Variants in FCGRT observed in about 807,000 individuals in gnomAD.
FCGRT encodes the protein IgG receptor FcRn large subunit p51.
A neutral mutation model predicts 35.7 loss-of-function variants in FCGRT; 13 were observed. The ratio of observed to expected loss-of-function variants is 0.36; its 90% CI spans 0.24 to 0.58. The LOEUF is 0.58. Among genes scored for constraint, FCGRT ranks in the 20% least tolerant of loss-of-function variants. FCGRT has a pLI of 0.77. For missense variants in FCGRT, 455 were observed against 474.9 expected (o/e 0.96, Z 0.39); for synonymous variants, 233 against 216.5 (o/e 1.08, Z -0.67).
In FCGRT at chr19:49,526,423, G is replaced by A. The variant is rs1342898458; in HGVS notation, c.*304G>A. The A allele has an allele frequency of 2.5e-6, 1 of 396,846 alleles. No individual in the cohort carries two copies. Among genetic ancestry groups the A allele is most frequent in the African/African-American group, 2.1e-5 (1 of 47,694 alleles). 24.6% of individuals were successfully genotyped at this position (396,846 alleles called of 1,614,324 possible). ...GGCTGGGCCTCGGATCTCTCCTACAGGTAACATGCTGCCACAGGGGAACCT... is the reference window on the plus strand; with the variant it reads ...GGCTGGGCCTCGGATCTCTCCTACAAGTAACATGCTGCCACAGGGGAACCT... On this transcript the variant is annotated 3_prime_UTR_variant, in exon 7 of 7. Coordinates refer to ENST00000221466, the MANE Select transcript of FCGRT (RefSeq NM_001136019.3).
chr19:49,522,581 GC>G (rs1424342422), intron 4 of FCGRT, among the ~76,000 whole-genome samples: 1 of 151,156 alleles, frequency 6.6e-6, no homozygotes, highest in Non-Finnish European at 1.5e-5. Context: ...ACAGGTACAC[GC>G]CACCATGCCT....
intron 4 of FCGRT, among the ~76,000 whole-genome samples, chr19:49,518,372 T>C (rs1244381412): frequency 2.0e-5 from 3 of 150,766 alleles, no homozygotes; most frequent in Non-Finnish European, 4.4e-5. Flanking sequence ...TTTTTTTTTT[T>C]TTTTTCCTTT....
chr19:49,525,701 C>G (rs2080071397), intron 6 of FCGRT, 128 bp downstream of exon 6: 2 of 702,716 alleles, frequency 2.8e-6, no homozygotes, highest in East Asian at 5.4e-5. Context: ...AGACAGAAAC[C>G]CAGAGATGGG....
chr19:49,526,018 A>C lies in FCGRT; in HGVS notation c.997A>C (p.Ile333Leu). ...TCTCTCTCTCTCCTCAGCCCCTTGG[A>C]TCTCCCTTCGTGGAGACGACACCGG... ...RMRSGLPAPWISLRGDDTGVL... is the reference protein window; with the variant it reads ...RMRSGLPAPWLSLRGDDTGVL... The change falls in exon 7 of 7, where the codon ATC (isoleucine) becomes CTC (leucine). Residue 333 changes from isoleucine to leucine, a missense_variant. By Grantham distance (5) the Ile-to-Leu change is conservative. This residue lies in a region of FCGRT where 312 missense variants were observed against 296.1 expected (regional missense o/e 1.05). Transcript: ENST00000221466. The C allele has an allele frequency of 6.2e-7, 1 of 1,607,484 alleles. No individual in the cohort carries two copies. The highest frequency in any genetic ancestry group is 8.5e-7 in the Non-Finnish European group (1 of 1,174,318).
At chr19:49,524,825 T>C (rs2080064164) in intron 5 of FCGRT, 49 bp downstream of exon 5, 5 of 1,549,552 alleles carry the variant, frequency 3.2e-6, no homozygotes, top group Middle Eastern at 1.7e-4. Context: ...TTGCCTTGTC[T>C]CACTGCTGCG....
chr19:49,520,930 A>G (rs1197006067), intron 4 of FCGRT: 1 of 152,236 alleles, frequency 6.6e-6, no homozygotes, highest in Non-Finnish European at 1.5e-5. Context: ...GAAGCAGCAA[A>G]TGTGTTTTCT....
At position 49,526,124 on chromosome 19, in the gene FCGRT, C is replaced by G. The variant is rs776411183; in HGVS notation, c.*5C>G. 5.7e-6 allele frequency: 9 copies of G among 1,583,932 alleles called. No homozygotes were observed. In the East Asian group the frequency reaches 2.0e-4, roughly 35 times the overall value. On this transcript the variant is annotated 3_prime_UTR_variant, in exon 7 of 7. Transcript: ENST00000221466. ...GTGATTCCAGCCACCGCCTGACCATCCGCCATTCCGACTGCTAAAAGCGAA... is the reference window on the plus strand; with the variant it reads ...GTGATTCCAGCCACCGCCTGACCATGCGCCATTCCGACTGCTAAAAGCGAA...
At chr19:49,519,370 G>A (rs567153694) in intron 4 of FCGRT, among the ~76,000 whole-genome samples, 1 of 151,862 alleles carries the variant, frequency 6.6e-6, no homozygotes, top group East Asian at 1.9e-4. Flanking sequence ...TATTTTAAGA[G>A]TTTTAAAGTT....
At chr19:49,515,059 A>G (rs2080000012) in intron 4 of FCGRT, 1 of 149,294 alleles carries the variant, frequency 6.7e-6, no homozygotes, top group Admixed American at 6.7e-5. Flanking sequence ...TGGTGGCACC[A>G]TCTCGGCTCA....
rs1271964936 is a variant in FCGRT, at chr19:49,524,691, A to G, written c.786A>G (p.Ser262=). 1 of 1,603,652 alleles carries G rather than the reference A, an allele frequency of 6.2e-7. No homozygotes were observed. The highest frequency in any genetic ancestry group is 8.5e-7 in the Non-Finnish European group (1 of 1,179,960). ...NSDGSFHASS[S]LTVKSGDEHH... ...ACGGATCCTTCCACGCCTCGTCGTC[A>G]CTAACAGTCAAAAGTGGCGATGAGC... Residue 262 remains serine, a synonymous_variant, in exon 5 of 7, where the codon TCA becomes TCG. Transcript: ENST00000221466.
rs1363007082 is a variant in FCGRT, at chr19:49,512,679, T to A, written c.-86T>A. 3 of 155,260 alleles carry A rather than the reference T, an allele frequency of 1.9e-5. No homozygotes were observed. Among genetic ancestry groups the A allele is most frequent in the Non-Finnish European group, 4.3e-5 (3 of 69,878 alleles). The allele number at this position is 155,260 out of a possible 1,614,324, so 9.6% of individuals were successfully genotyped here. On this transcript the variant is annotated 5_prime_UTR_variant, in exon 1 of 7. Coordinates refer to ENST00000221466, the MANE Select transcript of FCGRT (RefSeq NM_001136019.3). ...CTCCCACAGGATGTGAGAGAGGAAC[T>A]GGGGTCTCCAGTCACGGGAGCCAGG...
At chr19:49,514,168 T>A (rs1248385220) in intron 3 of FCGRT, 35 bp downstream of exon 3, 1 of 1,610,952 alleles carries the variant, frequency 6.2e-7, no homozygotes, top group African/African-American at 1.3e-5. Flanking sequence ...AGGGGCCGGG[T>A]CCATGCTCCG....
At chr19:49,523,514 G>C (rs1024269026) in intron 4 of FCGRT, among the ~76,000 whole-genome samples, 1 of 152,128 alleles carries the variant, frequency 6.6e-6, no homozygotes, top group Non-Finnish European at 1.5e-5. Flanking sequence ...GTTGCAGTGA[G>C]TCGAGATCGT....
At chr19:49,518,046 G>A (rs1386845065) in intron 4 of FCGRT, among the ~76,000 whole-genome samples, 3 of 152,124 alleles carry the variant, frequency 2.0e-5, no homozygotes, top group East Asian at 1.9e-4. Flanking sequence ...GGCTGGTCTC[G>A]AACCCTCCAC....
At chr19:49,514,559 C>G in intron 4 of FCGRT, 73 bp downstream of exon 4, 1 of 1,398,938 alleles carries the variant, frequency 7.1e-7, no homozygotes, top group Non-Finnish European at 9.5e-7. Flanking sequence ...GTTCCCCTGC[C>G]AGGACCCTCC....
In FCGRT at chr19:49,526,020, C is replaced by T; in HGVS notation, c.999C>T (p.Ile333=). Residue 333 remains isoleucine (I), a synonymous_variant, in exon 7 of 7, where the codon ATC becomes ATT. Transcript: ENST00000221466. Reference sequence around the variant, plus strand: ...TCTCTCTCTCCTCAGCCCCTTGGATCTCCCTTCGTGGAGACGACACCGGGG... The same window carrying T: ...TCTCTCTCTCCTCAGCCCCTTGGATTTCCCTTCGTGGAGACGACACCGGGG... The part of the protein sequence containing the change: ...RMRSGLPAPW[I]SLRGDDTGVL... 6.2e-7 allele frequency: 1 copy of T among 1,608,734 alleles called. No individual in the cohort carries two copies. Among genetic ancestry groups the T allele is most frequent in the Non-Finnish European group, 8.5e-7 (1 of 1,175,404 alleles).
intron 6 of FCGRT, 93 bp from the exon 7 acceptor site, chr19:49,525,917 A>T (rs924025845): frequency 1.2e-6 from 1 of 813,222 alleles, no homozygotes; most frequent in South Asian, 1.3e-5. Context: ...ACTGAGGAAG[A>T]GTGTGTGAGA....
At chr19:49,525,752 CA>C (rs1348790043) in intron 6 of FCGRT, among the ~76,000 whole-genome samples, 179 bp downstream of exon 6, 1 of 150,208 alleles carries the variant, frequency 6.7e-6, no homozygotes, top group East Asian at 2.0e-4. Flanking sequence ...GACAGAGACC[CA>C]GAGACGGGGG....
At position 49,514,152 on chromosome 19, in the gene FCGRT, G is replaced by T. The variant is rs1406604293; in HGVS notation, c.325+19G>T. On this transcript the variant is annotated intron_variant, in intron 3 of 6. Transcript: ENST00000221466. ...GGAAAAGGTGAGATTCCGGTCTGGA[G>T]GGGCAAGGGGCCGGGTCCATGCTCC... 1 of 1,612,530 alleles carries T rather than the reference G, an allele frequency of 6.2e-7. No homozygotes were observed. The highest frequency in any genetic ancestry group is 8.5e-7 in the Non-Finnish European group (1 of 1,179,156).
Sources: gnomAD v4.1 joint callset for allele counts (sites outside exome capture counted in the v4.1 genomes callset) on GRCh38, gnomAD v4.1.1 for gene constraint, gnomAD v4.1.1 regional missense constraint, MANE v1.5 for transcripts, NCBI Gene and HGNC (gene_info 2026-07-23, HGNC 2026-07-21) for gene names.